TRIM31: variants seen among roughly 807,000 people sequenced by gnomAD.
TRIM31 encodes the protein E3 ubiquitin-protein ligase TRIM31.
TRIM31 carries 31 observed loss-of-function variants against 40.6 expected under a neutral mutation model. The observed-to-expected ratio is 0.76, with a 90% CI of 0.57 to 1.03. The LOEUF is 1.03. TRIM31 is among the 50% of genes least tolerant of loss of function. The pLI is 0.00. For synonymous variants in TRIM31, 164 were observed against 193.9 expected, an observed-to-expected ratio of 0.85 and a Z score of 1.28; for missense variants, 455 against 497.5, an observed-to-expected ratio of 0.91 and a Z score of 0.81.
At chr6:30,105,384 G>C in intron 6 of TRIM31, 142 bp from the exon 7 acceptor site, 1 of 650,514 alleles carries the variant, frequency 1.5e-6, no homozygotes, top group South Asian at 2.0e-5. Flanking sequence ...ATTGGACCAG[G>C]AAGGTATGCA....
chr6:30,111,678 T>C lies in TRIM31; in HGVS notation c.483A>G (p.Ala161=). Residue 161 remains alanine (A), a synonymous_variant, in exon 3 of 9, where the codon GCA becomes GCG. Transcript: ENST00000376734. The part of the protein sequence containing the change: ...QKEKETVQVK[A]QGVHRVDVFT... ...AGACATCGACCCTGTGTACACCTTG[T>C]GCCTTCACTTGTACTGTCTCCTTCT... is the stretch of plus-strand genomic sequence containing the variant. 1 of 1,614,250 alleles carries C rather than the reference T, an allele frequency of 6.2e-7. No individual in the cohort carries two copies. Among genetic ancestry groups the C allele is most frequent in the Non-Finnish European group, 8.5e-7 (1 of 1,180,044 alleles).
At position 30,112,369 on chromosome 6, in the gene TRIM31, A is replaced by G. The variant is rs1434302347; in HGVS notation, c.417+20T>C. On this transcript the variant is annotated intron_variant, in intron 2 of 8. Transcript: ENST00000376734. Reference sequence around the variant, plus strand: ...CTCCTGGGCTGATGGGGGAACAGGGAAGAAACCTCAAATGCCTACCTGATA... The same window carrying G: ...CTCCTGGGCTGATGGGGGAACAGGGGAGAAACCTCAAATGCCTACCTGATA... The G allele has an allele frequency of 6.3e-7, 1 of 1,591,386 alleles. No homozygotes were observed. Among genetic ancestry groups the G allele is most frequent in the Non-Finnish European group, 8.5e-7 (1 of 1,169,926 alleles).
Position 30,112,865 on chromosome 6 carries a change from C to T in TRIM31, c.-60G>A, listed in dbSNP as rs1030083485. On this transcript the variant is annotated 5_prime_UTR_variant, in exon 2 of 9. Coordinates refer to ENST00000376734, the MANE Select transcript of TRIM31 (RefSeq NM_007028.5). ...AGCTGTGCCAAGTCTGTAGGAGCCC[C>T]GGAGTCCACTGTGGATACTGTTTCT... 6 of 1,509,922 alleles carry T rather than the reference C, an allele frequency of 4.0e-6. No individual in the cohort carries two copies. The highest frequency in any genetic ancestry group is 2.8e-5 in the African/African-American group (2 of 71,792). 93.5% of individuals were successfully genotyped at this position (1,509,922 alleles called of 1,614,324 possible).
chr6:30,105,085 C>G, intron 7 of TRIM31, 83 bp downstream of exon 7: 1 of 1,240,092 alleles, frequency 8.1e-7, no homozygotes, highest in South Asian at 1.3e-5. Context: ...ATCTGGCCTT[C>G]ATGTAATCAT....
At chr6:30,111,238 G>T (rs2284163) in intron 3 of TRIM31, 51,543 of 179,370 alleles carry the variant, frequency 0.29, 7,718 homozygotes, top group Admixed American at 0.32. Flanking sequence ...GGAGAGTCTC[G>T]CTATGTTGCC....
intron 4 of TRIM31, among the ~76,000 whole-genome samples, chr6:30,109,573 T>C (rs549961427): frequency 1.3e-5 from 2 of 152,316 alleles, no homozygotes; most frequent in South Asian, 2.1e-4. Context: ...TCATTTTTAC[T>C]AATTCAAATT....
At chr6:30,108,618 A>G in intron 5 of TRIM31, 1 of 253,808 alleles carries the variant, frequency 3.9e-6, no homozygotes, top group Non-Finnish European at 7.5e-6. Context: ...GTGAGCTGGG[A>G]GTCAGAAAGT....
chr6:30,103,768 G>A lies in TRIM31; in HGVS notation c.1046C>T (p.Pro349Leu). ...TGGGGCTGAAGAGTGGTGATTTGGT[G>A]GCCCCGATGTAGTTCTGCCGCCTTT... ...SSAGGRTTSG[P>L]PNHHSSAPSH... Residue 349 changes from proline to leucine, a missense_variant, in exon 9 of 9, where the codon CCA (proline) becomes CTA (leucine). Pro to Leu is a moderately conservative substitution (Grantham distance 98). Transcript: ENST00000376734. 6.2e-7 allele frequency: 1 copy of A among 1,613,006 alleles called. No homozygotes were observed. Among genetic ancestry groups the A allele is most frequent in the Non-Finnish European group, 8.5e-7 (1 of 1,180,020 alleles).
Position 30,103,892 on chromosome 6 carries a change from A to G in TRIM31, c.1025-103T>C, listed in dbSNP as rs1366913705. The G allele has an allele frequency of 9.7e-6, 15 of 1,542,658 alleles. No homozygotes were observed. The East Asian group carries it at 3.4e-4, about 35-fold the overall frequency. The stretch of plus-strand genomic sequence containing the variant: ...CTGAGCTCTACATACAGCAGGAGGG[A>G]TGGAGGTGAAACTCAAGAAAGTACA... On this transcript the variant is annotated intron_variant, in intron 8 of 8. Transcript: ENST00000376734.
intron 2 of TRIM31, 86 bp from the exon 3 acceptor site, chr6:30,111,829 A>T (rs1769362276): frequency 1.6e-6 from 2 of 1,246,290 alleles, no homozygotes; most frequent in Admixed American, 3.4e-5. Flanking sequence ...AGAGCTGGTG[A>T]CACTCTCCAG....
chr6:30,112,543 G>T lies in TRIM31; in HGVS notation c.263C>A (p.Ser88Tyr), dbSNP rs748568951. The T allele has an allele frequency of 6.2e-7, 1 of 1,613,086 alleles. No individual in the cohort carries two copies. The highest frequency in any genetic ancestry group is 8.5e-7 in the Non-Finnish European group (1 of 1,180,048). The change falls in exon 2 of 9, where the codon TCC (serine) becomes TAC (tyrosine). Residue 88 changes from serine (S) to tyrosine (Y), a missense_variant. Physicochemically the swap from Ser to Tyr is moderately radical, Grantham distance 144. Transcript: ENST00000376734. ...IQALQASEVQSKRKEATCPRH... is the reference protein window; with the variant it reads ...IQALQASEVQYKRKEATCPRH... ...CGGGCATGTAGCCTCTTTCCTTTTG[G>T]ACTGCACCTCAGAGGCTTGTAGAGC...
intron 8 of TRIM31, 153 bp downstream of exon 8, chr6:30,103,949 G>T: frequency 1.1e-5 from 15 of 1,367,696 alleles, no homozygotes; most frequent in Non-Finnish European, 1.5e-5. Context: ...TCTGTTTCCT[G>T]GCAGAGGTGT....
chr6:30,112,389 C>G lies in TRIM31; in HGVS notation c.417G>C (p.Gln139His). 6.2e-7 allele frequency: 1 copy of G among 1,606,234 alleles called. No homozygotes were observed. The highest frequency in any genetic ancestry group is 2.2e-5 in the East Asian group (1 of 44,862). The change falls in exon 2 of 9, where the codon CAG becomes CAC. Residue 139 changes from glutamine (Q) to histidine (H), a missense_variant and splice_region_variant. By Grantham distance (24) the Gln-to-His change is conservative (BLOSUM62 0). Transcript: ENST00000376734. ...CAGGGAAGAAACCTCAAATGCCTACCTGATAATTCTGGGCAGCTTCTTCGA... is the reference window on the plus strand; with the variant it reads ...CAGGGAAGAAACCTCAAATGCCTACGTGATAATTCTGGGCAGCTTCTTCGA... ...SLIEEAAQNY[Q>H]GQIQEQIQVL...
intron 1 of TRIM31, 34 bp downstream of exon 1, chr6:30,113,030 T>C (rs1769526929): frequency 1.9e-6 from 1 of 519,706 alleles, no homozygotes; most frequent in South Asian, 3.6e-5. Flanking sequence ...CTAGAAAATA[T>C]TATAAAGAGA....
At chr6:30,109,794 G>A (rs1408205955) in intron 4 of TRIM31, among the ~76,000 whole-genome samples, 3 of 151,978 alleles carry the variant, frequency 2.0e-5, no homozygotes, top group Non-Finnish European at 2.9e-5. Context: ...CCTAGGAGGC[G>A]GAAGTTGTAG....
intron 2 of TRIM31, 103 bp downstream of exon 2, chr6:30,112,286 G>T: frequency 7.3e-7 from 1 of 1,365,366 alleles, no homozygotes; most frequent in Non-Finnish European, 1.0e-6. Context: ...CCAAGGGGTG[G>T]GGGCAATGGG....
intron 4 of TRIM31, among the ~76,000 whole-genome samples, chr6:30,110,096 T>C (rs994552994): frequency 6.6e-6 from 1 of 150,754 alleles, no homozygotes; most frequent in Admixed American, 6.6e-5. Context: ...TTTTAAAATA[T>C]TCATTACAGG....
At chr6:30,112,022 G>A in intron 2 of TRIM31, 1 of 563,022 alleles carries the variant, frequency 1.8e-6, no homozygotes. Context: ...CCCTTCATCT[G>A]TCCTACCAAC....
rs368717514 is a variant in TRIM31, at chr6:30,112,791, C to A, written c.15G>T (p.Gln5His). The change falls in exon 2 of 9, where the codon CAG becomes CAT. Residue 5 changes from glutamine (Q) to histidine (H), a missense_variant. Coordinates refer to ENST00000376734, the MANE Select transcript of TRIM31 (RefSeq NM_007028.5). ...CTTCCTCTTGCAGTTTGTTCACAAA[C>A]TGCCCACTGGCCATGACAGAACAAC... The part of the protein sequence containing the change: MASG[Q>H]FVNKLQEEVI... The A allele has an allele frequency of 2.9e-4, 471 of 1,609,130 alleles. 41 individuals are homozygous for A. Among genetic ancestry groups the A allele is most frequent in the East Asian group, 2.0e-3 (90 of 44,870 alleles).
Sources: allele counts gnomAD v4.1 joint callset (sites outside exome capture counted in the v4.1 genomes callset), GRCh38; gene constraint gnomAD v4.1.1; transcripts MANE v1.5; gene names NCBI Gene and HGNC (gene_info 2026-07-23, HGNC 2026-07-21).